ATP10D: variants seen among roughly 807,000 people sequenced by gnomAD.
The protein encoded by ATP10D is phospholipid-transporting ATPase VD.
A neutral mutation model predicts 144.8 loss-of-function variants in ATP10D; 89 were observed. The observed-to-expected ratio is 0.61, with a 90% CI of 0.52 to 0.73. The LOEUF (loss-of-function observed/expected upper bound fraction) is 0.73. Among genes scored for constraint, ATP10D ranks in the 30% least tolerant of loss-of-function variants. The pLI, the probability that ATP10D is intolerant of heterozygous loss-of-function variation, is 0.00. For synonymous variants in ATP10D, 571 were observed against 615.1 expected, an observed-to-expected ratio of 0.93 and a Z score of 1.06; for missense variants, 1,603 against 1,714.8, an observed-to-expected ratio of 0.93 and a Z score of 1.15.
intron 4 of ATP10D, among the ~76,000 whole-genome samples, chr4:47,524,256 G>A (rs1313340010): frequency 6.6e-6 from 1 of 151,966 alleles, no homozygotes; most frequent in Non-Finnish European, 1.5e-5. Context: ...CTACTGTTAA[G>A]TCAGGGTTAC....
intron 9 of ATP10D, among the ~76,000 whole-genome samples, chr4:47,545,547 T>C (rs1718370240): frequency 1.3e-5 from 2 of 152,176 alleles, no homozygotes; most frequent in South Asian, 4.1e-4. Context: ...TTATTTGAGA[T>C]ATTTTTTGGA....
intron 11 of ATP10D, among the ~76,000 whole-genome samples, chr4:47,557,403 T>C (rs1202218461): frequency 6.6e-6 from 1 of 152,026 alleles, no homozygotes; most frequent in East Asian, 1.9e-4. Flanking sequence ...ATGTCATTCA[T>C]TTTAATATTA....
At chr4:47,534,590 T>C (rs1236700004) in intron 5 of ATP10D, among the ~76,000 whole-genome samples, 1 of 152,152 alleles carries the variant, frequency 6.6e-6, no homozygotes, top group Non-Finnish European at 1.5e-5. Flanking sequence ...TATCCTATTA[T>C]TATAAAGTTC....
At chr4:47,545,402 G>A (rs879831035) in intron 9 of ATP10D, among the ~76,000 whole-genome samples, 3 of 152,178 alleles carry the variant, frequency 2.0e-5, no homozygotes, top group Non-Finnish European at 4.4e-5. Flanking sequence ...TTATCTTTTA[G>A]GAAGATCACT....
At chr4:47,549,513 AT>A (rs1718615114) in intron 10 of ATP10D, among the ~76,000 whole-genome samples, 1 of 152,230 alleles carries the variant, frequency 6.6e-6, no homozygotes, top group African/African-American at 2.4e-5. Context: ...TTAGCAATAA[AT>A]ATTTATGGGA....
chr4:47,549,407 A>G (rs1275559884), intron 10 of ATP10D, among the ~76,000 whole-genome samples: 2 of 152,150 alleles, frequency 1.3e-5, no homozygotes, highest in Non-Finnish European at 2.9e-5. Context: ...TTTTGGATCT[A>G]TTGTCTCCCC....
At chr4:47,528,751 A>G (rs1267613917) in intron 5 of ATP10D, among the ~76,000 whole-genome samples, 2 of 152,038 alleles carry the variant, frequency 1.3e-5, no homozygotes, top group Admixed American at 6.6e-5. Flanking sequence ...CACAGGGGTT[A>G]TACTAATTTA....
chr4:47,570,276 A>G (rs572287327), intron 16 of ATP10D, among the ~76,000 whole-genome samples: 9 of 152,316 alleles, frequency 5.9e-5, no homozygotes, highest in African/African-American at 1.7e-4. Flanking sequence ...GATATGTTAT[A>G]TGAGAGAAAG....
Position 47,576,822 on chromosome 4 carries a change from G to A in ATP10D, c.3416G>A (p.Gly1139Glu). The part of the protein sequence containing the change: ...FWYQFFCGFS[G>E]TSMTDYWVLI... ...TACCAGTTCTTTTGTGGATTTTCAGGAACATCCATGACTGATTACTGGGTT... is the reference window on the plus strand; with the variant it reads ...TACCAGTTCTTTTGTGGATTTTCAGAAACATCCATGACTGATTACTGGGTT... Residue 1139 changes from glycine to glutamate, a missense_variant, in exon 19 of 23, where the codon GGA (glycine) becomes GAA (glutamate). Coordinates refer to ENST00000273859, the MANE Select transcript of ATP10D (RefSeq NM_020453.4). The A allele has an allele frequency of 6.2e-7, 1 of 1,614,092 alleles. No individual in the cohort carries two copies. The highest frequency in any genetic ancestry group is 1.1e-5 in the South Asian group (1 of 91,080).
intron 9 of ATP10D, among the ~76,000 whole-genome samples, chr4:47,541,759 T>C (rs542276435): frequency 1.3e-5 from 2 of 152,218 alleles, no homozygotes; most frequent in South Asian, 2.1e-4. Flanking sequence ...ATATATCAAA[T>C]TGATGCAAGT....
chr4:47,553,106 A>G (rs1195552501), intron 10 of ATP10D, among the ~76,000 whole-genome samples: 1 of 152,220 alleles, frequency 6.6e-6, no homozygotes, highest in East Asian at 1.9e-4. Context: ...GTAAAATACC[A>G]TGCAACAAAT....
intron 1 of ATP10D, chr4:47,491,434 C>T (rs1018206697): frequency 2.5e-5 from 18 of 713,534 alleles, no homozygotes; most frequent in African/African-American, 3.5e-5. Flanking sequence ...TATGGGGTGC[C>T]GCTCCTCTTT....
chr4:47,548,411 T>C (rs1170127076), intron 10 of ATP10D, among the ~76,000 whole-genome samples: 1 of 152,212 alleles, frequency 6.6e-6, no homozygotes, highest in African/African-American at 2.4e-5. Flanking sequence ...GCATCCGAGC[T>C]CTGTTTACAC....
intron 14 of ATP10D, 48 bp downstream of exon 14, chr4:47,561,123 A>T (rs764355543): frequency 6.2e-6 from 10 of 1,605,698 alleles, no homozygotes; most frequent in Non-Finnish European, 8.5e-6. Context: ...TTTGAAAAAC[A>T]CTGGATATCT....
At chr4:47,560,592 T>G (rs1719245389) in intron 13 of ATP10D, among the ~76,000 whole-genome samples, 1 of 152,242 alleles carries the variant, frequency 6.6e-6, no homozygotes, top group African/African-American at 2.4e-5. Flanking sequence ...TGATACCACT[T>G]TCTCAACTGC....
chr4:47,558,799 G>A (rs1719125938), intron 12 of ATP10D, 124 bp from the exon 13 acceptor site: 3 of 736,052 alleles, frequency 4.1e-6, no homozygotes, highest in Non-Finnish European at 6.8e-6. Context: ...ACCCATTTGG[G>A]ATTCAAAACC....
In ATP10D at chr4:47,572,943, C is replaced by G; in HGVS notation, c.3312C>G (p.His1104Gln). 1 of 1,613,968 alleles carries G rather than the reference C, an allele frequency of 6.2e-7. No individual in the cohort carries two copies. The highest frequency in any genetic ancestry group is 8.5e-7 in the Non-Finnish European group (1 of 1,179,864). ...HLSKLLLVHG[H>Q]WCYTRLSNMI... ...GCAAGCTCCTTCTTGTCCATGGACACTGGTGTTATACACGGCTTTCCAACA... is the reference window on the plus strand; with the variant it reads ...GCAAGCTCCTTCTTGTCCATGGACAGTGGTGTTATACACGGCTTTCCAACA... The change falls in exon 18 of 23, where the codon CAC becomes CAG. Residue 1104 changes from histidine to glutamine, a missense_variant. Physicochemically the swap from His to Gln is conservative, Grantham distance 24. Coordinates refer to ENST00000273859, the MANE Select transcript of ATP10D (RefSeq NM_020453.4).
Position 47,569,053 on chromosome 4 carries a change from C to A in ATP10D, c.3070C>A (p.Gln1024Lys). Residue 1024 changes from glutamine (Q) to lysine (K), a missense_variant, in exon 16 of 23, where the codon CAA becomes AAA. By Grantham distance (53) the Gln-to-Lys change is moderately conservative (BLOSUM62 1). Transcript: ENST00000273859. ...KQFLELTSWC[Q>K]AVVCCRATPL... is the part of the protein sequence containing the mutation. The stretch of plus-strand genomic sequence containing the variant: ...GTTCCTGGAACTGACATCTTGGTGT[C>A]AAGCTGTGGTCTGCTGCCGAGCCAC... 6.2e-7 allele frequency: 1 copy of A among 1,614,208 alleles called. No individual in the cohort carries two copies. Among genetic ancestry groups the A allele is most frequent in the South Asian group, 1.1e-5 (1 of 91,072 alleles).
intron 15 of ATP10D, among the ~76,000 whole-genome samples, chr4:47,567,350 C>T (rs975304634): frequency 3.3e-5 from 5 of 152,114 alleles, no homozygotes; most frequent in Non-Finnish European, 7.4e-5. Context: ...AACACATACT[C>T]AAATAAATAG....
Sources: gnomAD v4.1 joint callset for allele counts (sites outside exome capture counted in the v4.1 genomes callset) on GRCh38, gnomAD v4.1.1 for gene constraint, MANE v1.5 for transcripts, NCBI Gene and HGNC (gene_info 2026-07-23, HGNC 2026-07-21) for gene names.